The following PPP6R3 variants were observed in gnomAD, a reference collection of about 807,000 sequenced individuals.
PPP6R3 encodes serine/threonine-protein phosphatase 6 regulatory subunit 3.
PPP6R3 carries 38 observed loss-of-function variants against 110.7 expected under a neutral mutation model. The ratio of observed to expected loss-of-function variants is 0.34; its 90% CI spans 0.26 to 0.45. The LOEUF (loss-of-function observed/expected upper bound fraction) is 0.45, where lower values mean the gene tolerates loss of function less well. PPP6R3 is among the 20% of genes least tolerant of loss of function. The pLI is 1.00. For synonymous variants in PPP6R3, 369 were observed against 373.5 expected, an observed-to-expected ratio of 0.99 and a Z score of 0.14; for missense variants, 870 against 1,062.4, an observed-to-expected ratio of 0.82 and a Z score of 2.52.
intron 12 of PPP6R3, among the ~76,000 whole-genome samples, chr11:68,572,719 A>G (rs2099512371): frequency 1.3e-5 from 2 of 152,010 alleles, no homozygotes; most frequent in Non-Finnish European, 2.9e-5. Context: ...GTACTTGCCT[A>G]TAGTCCCAGC....
intron 20 of PPP6R3, among the ~76,000 whole-genome samples, chr11:68,600,880 G>A (rs1300168099): frequency 6.6e-6 from 1 of 152,228 alleles, no homozygotes; most frequent in Non-Finnish European, 1.5e-5. Context: ...CAGCACCTCT[G>A]TGTGGGGTGT....
At chr11:68,462,714 C>T (rs1392335200) in intron 1 of PPP6R3, among the ~76,000 whole-genome samples, 1 of 152,158 alleles carries the variant, frequency 6.6e-6, no homozygotes, top group Non-Finnish European at 1.5e-5. Context: ...TGCACTCAGT[C>T]AGAAATAAAC....
rs772572062 is a variant in PPP6R3, at chr11:68,615,072, G to GGGA, written c.*1957_*1959dup. The GGGA allele has an allele frequency of 2.1e-6, 1 of 475,316 alleles. No homozygotes were observed. The highest frequency in any genetic ancestry group is 1.5e-5 in the South Asian group (1 of 64,734). The allele number at this position is 475,316 out of a possible 1,614,324, so 29.4% of individuals were successfully genotyped here. On this transcript the variant is annotated 3_prime_UTR_variant, in exon 24 of 24. Transcript: ENST00000393800. ...GTCTTGCTTCATCCCACTGACTGCT[G>GGGA]GGAGAGAGCCTCTGGGACTTTTCTT...
intron 2 of PPP6R3, among the ~76,000 whole-genome samples, chr11:68,533,940 C>T (rs889514595): frequency 1.3e-5 from 2 of 152,150 alleles, no homozygotes. Flanking sequence ...CAGGAACTTA[C>T]AGCAGTAGGT....
intron 1 of PPP6R3, among the ~76,000 whole-genome samples, chr11:68,495,912 T>C (rs553241864): frequency 6.6e-6 from 1 of 152,344 alleles, no homozygotes; most frequent in African/African-American, 2.4e-5. Context: ...TGTGAGACTA[T>C]TCTCCAAAGT....
intron 1 of PPP6R3, among the ~76,000 whole-genome samples, chr11:68,504,005 A>T (rs887279256): frequency 6.6e-6 from 1 of 152,224 alleles, no homozygotes; most frequent in African/African-American, 2.4e-5. Context: ...CCACTTGGCC[A>T]TGTACCTCAT....
At chr11:68,585,203 C>T (rs10896346) in intron 15 of PPP6R3, among the ~76,000 whole-genome samples, 34,990 of 151,964 alleles carry the variant, frequency 0.23, 4,277 homozygotes, top group Middle Eastern at 0.32. Flanking sequence ...GTGTTTGACT[C>T]CCCACCTCCC....
chr11:68,509,383 G>A (rs1565497786), intron 1 of PPP6R3, among the ~76,000 whole-genome samples: 5 of 151,800 alleles, frequency 3.3e-5, no homozygotes, highest in South Asian at 2.1e-4. Context: ...TTCTTCAACC[G>A]TGCTTGTCTG....
intron 1 of PPP6R3, among the ~76,000 whole-genome samples, chr11:68,473,669 A>G (rs1234571804): frequency 1.3e-5 from 2 of 152,176 alleles, no homozygotes; most frequent in Admixed American, 6.5e-5. Flanking sequence ...CTCCAGGTAG[A>G]TGGTGTTGGA....
intron 3 of PPP6R3, among the ~76,000 whole-genome samples, chr11:68,544,421 T>C (rs2099338122): frequency 6.6e-6 from 1 of 152,202 alleles, no homozygotes; most frequent in Middle Eastern, 3.2e-3. Context: ...CTGCATGCAG[T>C]GCAGTTTCCT....
At chr11:68,591,487 A>G (rs905426054) in intron 17 of PPP6R3, 89 bp from the exon 18 acceptor site, 1 of 1,305,480 alleles carries the variant, frequency 7.7e-7, no homozygotes, top group Non-Finnish European at 1.0e-6. Context: ...AAAGCAGTGA[A>G]AAAATGCAAT....
At chr11:68,504,760 T>A (rs2099066865) in intron 1 of PPP6R3, among the ~76,000 whole-genome samples, 1 of 152,198 alleles carries the variant, frequency 6.6e-6, no homozygotes, top group African/African-American at 2.4e-5. Context: ...CAAACCTTTG[T>A]GAGCTGTGTG....
chr11:68,461,498 G>T (rs1195114758), intron 1 of PPP6R3, among the ~76,000 whole-genome samples: 1 of 148,894 alleles, frequency 6.7e-6, no homozygotes, highest in Admixed American at 6.7e-5. Context: ...CGGGGGTGGG[G>T]GGGGTGGGTG....
intron 2 of PPP6R3, among the ~76,000 whole-genome samples, chr11:68,520,523 C>T (rs1435626738): frequency 6.6e-6 from 1 of 152,168 alleles, no homozygotes; most frequent in East Asian, 1.9e-4. Flanking sequence ...TCCTAGGCAT[C>T]TGAAATACTA....
intron 3 of PPP6R3, among the ~76,000 whole-genome samples, chr11:68,542,611 C>G (rs909879725): frequency 1.3e-5 from 2 of 151,862 alleles, no homozygotes; most frequent in Non-Finnish European, 2.9e-5. Flanking sequence ...CCAGGCTGGT[C>G]ATGAACTCCT....
chr11:68,550,751 G>A (rs2099367679), intron 5 of PPP6R3, among the ~76,000 whole-genome samples: 1 of 152,060 alleles, frequency 6.6e-6, no homozygotes, highest in African/African-American at 2.4e-5. Context: ...GAATGAACGT[G>A]CTCTTACAGA....
intron 14 of PPP6R3, among the ~76,000 whole-genome samples, chr11:68,578,289 T>G (rs2099539787): frequency 1.3e-5 from 2 of 152,204 alleles, no homozygotes; most frequent in Admixed American, 6.5e-5. Context: ...AAACACAACT[T>G]GGTAAATGCA....
At chr11:68,561,540 G>C (rs867356386) in intron 8 of PPP6R3, among the ~76,000 whole-genome samples, 2 of 152,192 alleles carry the variant, frequency 1.3e-5, no homozygotes, top group Non-Finnish European at 2.9e-5. Flanking sequence ...AAGTCTAACA[G>C]TATATTGTAA....
intron 2 of PPP6R3, among the ~76,000 whole-genome samples, chr11:68,525,007 CCACA>C (rs999662457): frequency 5.9e-5 from 9 of 152,228 alleles, no homozygotes; most frequent in African/African-American, 2.2e-4. Context: ...CAAGCTGAGG[CCACA>C]CACAGCTGGC....
Sources: gnomAD v4.1 joint callset for allele counts (sites outside exome capture counted in the v4.1 genomes callset) on GRCh38, gnomAD v4.1.1 for gene constraint, MANE v1.5 for transcripts, NCBI Gene and HGNC (gene_info 2026-07-23, HGNC 2026-07-21) for gene names.